The following HES2 variants were observed in gnomAD, a reference collection of about 807,000 sequenced individuals.
The protein encoded by HES2 is hes family bHLH transcription factor 2, also known as transcription factor HES-2.
A neutral mutation model predicts 11.9 loss-of-function variants in HES2; 11 were observed. That is an observed-to-expected ratio of 0.92 (90% CI 0.58 to 1.53). HES2 has a LOEUF of 1.53. HES2 is among the 40% of genes most tolerant of loss of function. HES2 has a pLI of 0.00. For synonymous variants in HES2, 125 were observed against 122.8 expected, an observed-to-expected ratio of 1.02 and a Z score of -0.12; for missense variants, 260 against 253.8, an observed-to-expected ratio of 1.02 and a Z score of -0.16.
In HES2 at chr1:6,419,877, G is replaced by T. The variant is rs938979264; in HGVS notation, c.-57C>A. On this transcript the variant is annotated 5_prime_UTR_variant, in exon 1 of 4. Transcript: ENST00000377834. The surrounding 1 kb of genome is among the most constrained non-coding windows in gnomAD (Gnocchi z 8.1). ...CCCACGCAAAGGGAAACCGAGGTCCGAAATGAGGTCCCGGGCGCGGCCCGG... is the reference window on the plus strand; with the variant it reads ...CCCACGCAAAGGGAAACCGAGGTCCTAAATGAGGTCCCGGGCGCGGCCCGG... 6.7e-6 allele frequency: 10 copies of T among 1,486,450 alleles called. No individual in the cohort carries two copies. The Admixed American group carries it at 2.3e-4, about 34-fold the overall frequency. The allele number at this position is 1,486,450 out of a possible 1,614,324, so 92.1% of individuals were successfully genotyped here.
In HES2 at chr1:6,417,604, T is replaced by C. The variant is rs1225566667; in HGVS notation, c.*1269A>G. On this transcript the variant is annotated 3_prime_UTR_variant, in exon 4 of 4. Coordinates refer to ENST00000377834, the MANE Select transcript of HES2 (RefSeq NM_019089.5). ...CATGGAAAAGAAAGAAATAAAAAAT[T>C]TTTTTTGAGACAGAGTCTTGCTGTG... 6.6e-6 allele frequency: 1 copy of C among 151,812 alleles called. No individual in the cohort carries two copies. Among genetic ancestry groups the C allele is most frequent in the African/African-American group, 2.4e-5 (1 of 41,098 alleles). The allele number at this position is 151,812 out of a possible 1,614,324, so 9.4% of individuals were successfully genotyped here.
In HES2 at chr1:6,419,805, G is replaced by T. The variant is rs1169093452; in HGVS notation, c.16C>A (p.Arg6=). The T allele has an allele frequency of 5.8e-6, 9 of 1,558,690 alleles. No homozygotes were observed. Among genetic ancestry groups the T allele is most frequent in the Non-Finnish European group, 5.2e-6 (6 of 1,157,496 alleles). MGLPR[R]AGDAAELRKS... ...CGCAGCTCCGCCGCGTCCCCTGCCC[G>T]GCGAGGCAGCCCCATGCTCCGCGGG... The change falls in exon 1 of 4, where the codon CGG becomes AGG. Residue 6 remains arginine, a synonymous_variant. Coordinates refer to ENST00000377834, the MANE Select transcript of HES2 (RefSeq NM_019089.5). The surrounding 1 kb of genome is among the most constrained non-coding windows in gnomAD (Gnocchi z 8.1).
rs1204106142 is a variant in HES2 at position 6,417,064 on chromosome 1, C to G, written c.*1809G>C. On this transcript the variant is annotated 3_prime_UTR_variant, in exon 4 of 4. Coordinates refer to ENST00000377834, the MANE Select transcript of HES2 (RefSeq NM_019089.5). ...CTAGTCCACTATATTCAGTGAGCACCCACTGTGCACCCTGTGCCTTGGGGA... is the reference window on the plus strand; with the variant it reads ...CTAGTCCACTATATTCAGTGAGCACGCACTGTGCACCCTGTGCCTTGGGGA... The G allele has an allele frequency of 6.6e-6, 1 of 152,328 alleles. No individual in the cohort carries two copies. The highest frequency in any genetic ancestry group is 1.5e-5 in the Non-Finnish European group (1 of 68,118). The allele number at this position is 152,328 out of a possible 1,614,324, so 9.4% of individuals were successfully genotyped here. A position where few individuals can be genotyped will look rare whatever the true frequency, so the allele number is the denominator to read the frequency against.
At position 6,419,482 on chromosome 1, in the gene HES2, C is replaced by A. The variant is rs1642886534; in HGVS notation, c.141+125G>T. On this transcript the variant is annotated intron_variant, in intron 2 of 3. Transcript: ENST00000377834. The surrounding 1 kb of genome is among the most constrained non-coding windows in gnomAD (Gnocchi z 8.1). Reference sequence around the variant, plus strand: ...GGGGGTCCGCTCCGACGCGCCCACCCCACCCAGGCTCCGCCTCGGGCGCCG... The same window carrying A: ...GGGGGTCCGCTCCGACGCGCCCACCACACCCAGGCTCCGCCTCGGGCGCCG... 8.6e-7 allele frequency: 1 copy of A among 1,164,490 alleles called. No individual in the cohort carries two copies. Among genetic ancestry groups the A allele is most frequent in the African/African-American group, 1.6e-5 (1 of 62,240 alleles). The allele number at this position is 1,164,490 out of a possible 1,614,324, so 72.1% of individuals were successfully genotyped here.
rs1642862103 is a variant in HES2, at chr1:6,417,281, C to T, written c.*1592G>A. On this transcript the variant is annotated 3_prime_UTR_variant, in exon 4 of 4. Coordinates refer to ENST00000377834, the MANE Select transcript of HES2 (RefSeq NM_019089.5). ...AAACCAGTGCCAAGGTCATCATGGG[C>T]TTGTGTGGCACAGTCAGATTTAGTG... The T allele has an allele frequency of 1.3e-5, 2 of 152,290 alleles. No individual in the cohort carries two copies. Among genetic ancestry groups the T allele is most frequent in the African/African-American group, 4.8e-5 (2 of 41,454 alleles). 9.4% of individuals were successfully genotyped at this position (152,290 alleles called of 1,614,324 possible). A position where few individuals can be genotyped will look rare whatever the true frequency, so the allele number is the denominator to read the frequency against.
rs1383090934 is a variant in HES2, at chr1:6,419,858, C to A, written c.-38G>T. 6.6e-7 allele frequency: 1 copy of A among 1,525,182 alleles called. No homozygotes were observed. The highest frequency in any genetic ancestry group is 2.0e-5 in the Admixed American group (1 of 49,302). 94.5% of individuals were successfully genotyped at this position (1,525,182 alleles called of 1,614,324 possible). On this transcript the variant is annotated 5_prime_UTR_variant, in exon 1 of 4. Coordinates refer to ENST00000377834, the MANE Select transcript of HES2 (RefSeq NM_019089.5). This position sits in a 1 kb window ranked among gnomAD's most constrained non-coding sequence, Gnocchi z 8.1. Reference sequence around the variant, plus strand: ...AGCGGTGGCAGCTGCGAGCCCCACGCAAAGGGAAACCGAGGTCCGAAATGA... The same window carrying A: ...AGCGGTGGCAGCTGCGAGCCCCACGAAAAGGGAAACCGAGGTCCGAAATGA...
Position 6,418,667 on chromosome 1 carries a change from G to A in HES2, c.*206C>T. 2 of 426,786 alleles carry A rather than the reference G, an allele frequency of 4.7e-6. No homozygotes were observed. The highest frequency in any genetic ancestry group is 7.9e-6 in the Non-Finnish European group (2 of 253,220). The allele number at this position is 426,786 out of a possible 1,614,324, so 26.4% of individuals were successfully genotyped here. A position where few individuals can be genotyped will look rare whatever the true frequency, so the allele number is the denominator to read the frequency against. ...CTCCAGCCAAGTTGGGGGTGAAGCA[G>A]GGACGCTCCTTTTATTCCCTGAGCC... is the stretch of plus-strand genomic sequence containing the variant. On this transcript the variant is annotated 3_prime_UTR_variant, in exon 4 of 4. Coordinates refer to ENST00000377834, the MANE Select transcript of HES2 (RefSeq NM_019089.5).
In HES2 at chr1:6,419,856, C is replaced by A; in HGVS notation, c.-36G>T. 2 of 1,527,842 alleles carry A rather than the reference C, an allele frequency of 1.3e-6. No individual in the cohort carries two copies. The highest frequency in any genetic ancestry group is 1.8e-6 in the Non-Finnish European group (2 of 1,142,088). The allele number at this position is 1,527,842 out of a possible 1,614,324, so 94.6% of individuals were successfully genotyped here. On this transcript the variant is annotated 5_prime_UTR_variant, in exon 1 of 4. Coordinates refer to ENST00000377834, the MANE Select transcript of HES2 (RefSeq NM_019089.5). This position sits in a 1 kb window ranked among gnomAD's most constrained non-coding sequence, Gnocchi z 8.1. ...GAAGCGGTGGCAGCTGCGAGCCCCA[C>A]GCAAAGGGAAACCGAGGTCCGAAAT...
In HES2 at chr1:6,419,793, C is replaced by T; in HGVS notation, c.28G>A (p.Ala10Thr). The change falls in exon 1 of 4, where the codon GCG (alanine) becomes ACG (threonine). Residue 10 changes from alanine to threonine, a missense_variant. By Grantham distance (58) the Ala-to-Thr change is moderately conservative. Transcript: ENST00000377834. This position sits in a 1 kb window ranked among gnomAD's most constrained non-coding sequence, Gnocchi z 8.1. The part of the protein sequence containing the change: MGLPRRAGD[A>T]AELRKSLKPL... ...GTACCCACCTTGCGCAGCTCCGCCGCGTCCCCTGCCCGGCGAGGCAGCCCC... is the reference window on the plus strand; with the variant it reads ...GTACCCACCTTGCGCAGCTCCGCCGTGTCCCCTGCCCGGCGAGGCAGCCCC... 6.4e-7 allele frequency: 1 copy of T among 1,561,302 alleles called. No individual in the cohort carries two copies. Among genetic ancestry groups the T allele is most frequent in the South Asian group, 1.2e-5 (1 of 84,432 alleles).
At position 6,419,221 on chromosome 1, in the gene HES2, G is replaced by A. The variant is rs1392993131; in HGVS notation, c.241+20C>T. ...GTGCGGGGTGCAGAGCGCGCGGCAG[G>A]GCAGGGAGGGCTCACTCACGGGGCG... is the stretch of plus-strand genomic sequence containing the variant. On this transcript the variant is annotated intron_variant, in intron 3 of 3. Coordinates refer to ENST00000377834, the MANE Select transcript of HES2 (RefSeq NM_019089.5). The surrounding 1 kb of genome is among the most constrained non-coding windows in gnomAD (Gnocchi z 8.1). 1.2e-6 allele frequency: 2 copies of A among 1,603,250 alleles called. No individual in the cohort carries two copies. The highest frequency in any genetic ancestry group is 1.7e-6 in the Non-Finnish European group (2 of 1,177,404).
chr1:6,417,636 A>C lies in HES2; in HGVS notation c.*1237T>G, dbSNP rs1235406807. 6.6e-6 allele frequency: 1 copy of C among 152,280 alleles called. No homozygotes were observed. Among genetic ancestry groups the C allele is most frequent in the Non-Finnish European group, 1.5e-5 (1 of 68,060 alleles). 9.4% of individuals were successfully genotyped at this position (152,280 alleles called of 1,614,324 possible). ...GAGACAGAGTCTTGCTGTGTCACCC[A>C]GGCTGGAGAGCAATGGCTCAATCTT... On this transcript the variant is annotated 3_prime_UTR_variant, in exon 4 of 4. Coordinates refer to ENST00000377834, the MANE Select transcript of HES2 (RefSeq NM_019089.5).
Position 6,418,962 on chromosome 1 carries a change from C to T in HES2, c.433G>A (p.Ala145Thr), listed in dbSNP as rs1642878841. The change falls in exon 4 of 4, where the codon GCG becomes ACG. Residue 145 changes from alanine to threonine, a missense_variant. Coordinates refer to ENST00000377834, the MANE Select transcript of HES2 (RefSeq NM_019089.5). Reference sequence around the variant, plus strand: ...GCGGGCTCTGGGGCAGACGCGGGCGCTGGGGCGGGGGCAGACGGGCCACTG... The same window carrying T: ...GCGGGCTCTGGGGCAGACGCGGGCGTTGGGGCGGGGGCAGACGGGCCACTG... The part of the protein sequence containing the change: ...DSSGPSAPAP[A>T]PASAPEPASA... The T allele has an allele frequency of 2.2e-6, 3 of 1,341,038 alleles. No individual in the cohort carries two copies. Among genetic ancestry groups the T allele is most frequent in the Non-Finnish European group, 2.8e-6 (3 of 1,055,352 alleles). The allele number at this position is 1,341,038 out of a possible 1,614,324, so 83.1% of individuals were successfully genotyped here.
rs563885689 is a variant in HES2, at chr1:6,419,830, G to T, written c.-10C>A. 55 of 1,548,984 alleles carry T rather than the reference G, an allele frequency of 3.6e-5. No homozygotes were observed. Among genetic ancestry groups the T allele is most frequent in the Admixed American group, 3.8e-5 (2 of 52,732 alleles). ...GGCGAGGCAGCCCCATGCTCCGCGG[G>T]GAAGCGGTGGCAGCTGCGAGCCCCA... is the stretch of plus-strand genomic sequence containing the variant. On this transcript the variant is annotated 5_prime_UTR_variant, in exon 1 of 4. Coordinates refer to ENST00000377834, the MANE Select transcript of HES2 (RefSeq NM_019089.5). The surrounding 1 kb of genome is among the most constrained non-coding windows in gnomAD (Gnocchi z 8.1).
In HES2 at chr1:6,419,611, C is replaced by T. The variant is rs1642888741; in HGVS notation, c.137G>A (p.Arg46Gln). The T allele has an allele frequency of 2.0e-6, 3 of 1,536,022 alleles. No homozygotes were observed. The highest frequency in any genetic ancestry group is 2.5e-5 in the East Asian group (1 of 40,212). ...LKGLILPLLG[R>Q]ENSNCSKLEK... ...CCTCCGCCCGGGCGCGCTCACCTCCCGGCCCAGCAGCGGCAGGATGAGCCC... is the reference window on the plus strand; with the variant it reads ...CCTCCGCCCGGGCGCGCTCACCTCCTGGCCCAGCAGCGGCAGGATGAGCCC... The change falls in exon 2 of 4, where the codon CGG (arginine) becomes CAG (glutamine). Residue 46 changes from arginine (R) to glutamine (Q), a missense_variant. Physicochemically the swap from Arg to Gln is conservative, Grantham distance 43. Coordinates refer to ENST00000377834, the MANE Select transcript of HES2 (RefSeq NM_019089.5). This position sits in a 1 kb window ranked among gnomAD's most constrained non-coding sequence, Gnocchi z 8.1.
chr1:6,416,160 G>A lies in HES2; in HGVS notation c.*2713C>T, dbSNP rs550585445. On this transcript the variant is annotated 3_prime_UTR_variant, in exon 4 of 4. Coordinates refer to ENST00000377834, the MANE Select transcript of HES2 (RefSeq NM_019089.5). ...CATCAGACAGTCACATGGAGTCACA[G>A]AACCATCTTGCAACAGCATCCCAAG... is the stretch of plus-strand genomic sequence containing the variant. 1.3e-5 allele frequency: 2 copies of A among 152,270 alleles called. No individual in the cohort carries two copies. Among genetic ancestry groups the A allele is most frequent in the Non-Finnish European group, 2.9e-5 (2 of 68,068 alleles). 9.4% of individuals were successfully genotyped at this position (152,270 alleles called of 1,614,324 possible). A position where few individuals can be genotyped will look rare whatever the true frequency, so the allele number is the denominator to read the frequency against.
Position 6,419,331 on chromosome 1 carries a change from A to G in HES2, c.151T>C (p.Cys51Arg). ...LPLLGRENSN[C>R]SKLEKADVLE... ...ACGTCTGCCTTCTCTAGCTTCGAGC[A>G]GTTGGAGTTCTGCGCCCGGCCACGA... Residue 51 changes from cysteine (C) to arginine (R), a missense_variant, in exon 3 of 4, where the codon TGC becomes CGC. Coordinates refer to ENST00000377834, the MANE Select transcript of HES2 (RefSeq NM_019089.5). This position sits in a 1 kb window ranked among gnomAD's most constrained non-coding sequence, Gnocchi z 8.1. 5 of 1,610,266 alleles carry G rather than the reference A, an allele frequency of 3.1e-6. No homozygotes were observed. The highest frequency in any genetic ancestry group is 4.2e-6 in the Non-Finnish European group (5 of 1,178,974).
Position 6,418,457 on chromosome 1 carries a change from G to A in HES2, c.*416C>T, listed in dbSNP as rs544340993. On this transcript the variant is annotated 3_prime_UTR_variant, in exon 4 of 4. Transcript: ENST00000377834. ...GAGGTAGGCCCAGGCAGGGCTGGGA[G>A]AGCAGTGACCAGGCAGGGTGCACGG... 1 of 170,514 alleles carries A rather than the reference G, an allele frequency of 5.9e-6. No homozygotes were observed. Among genetic ancestry groups the A allele is most frequent in the Non-Finnish European group, 1.2e-5 (1 of 80,848 alleles). 10.6% of individuals were successfully genotyped at this position (170,514 alleles called of 1,614,324 possible).
chr1:6,419,723 G>T lies in HES2; in HGVS notation c.46-21C>A. 6.4e-7 allele frequency: 1 copy of T among 1,550,874 alleles called. No homozygotes were observed. The highest frequency in any genetic ancestry group is 8.7e-7 in the Non-Finnish European group (1 of 1,151,286). ...AGGCTCTGCGGACGGGCGGCGCGGT[G>T]GTTAGACGGGTCCCCGGAGTCCCCA... On this transcript the variant is annotated intron_variant, in intron 1 of 3. Transcript: ENST00000377834. This position sits in a 1 kb window ranked among gnomAD's most constrained non-coding sequence, Gnocchi z 8.1.
At position 6,419,669 on chromosome 1, in the gene HES2, C is replaced by T. The variant is rs746347051; in HGVS notation, c.79G>A (p.Ala27Thr). Reference protein sequence around the residue: ...LKPLLEKRRRARINQSLSQLK... With the variant: ...LKPLLEKRRRTRINQSLSQLK... Reference sequence around the variant, plus strand: ...TGGCTCAGGCTCTGGTTGATGCGCGCGCGCCGGCGCTTCTCCAGCAGCGGC... The same window carrying T: ...TGGCTCAGGCTCTGGTTGATGCGCGTGCGCCGGCGCTTCTCCAGCAGCGGC... Residue 27 changes from alanine (A) to threonine (T), a missense_variant, in exon 2 of 4, where the codon GCG (alanine) becomes ACG (threonine). Coordinates refer to ENST00000377834, the MANE Select transcript of HES2 (RefSeq NM_019089.5). The surrounding 1 kb of genome is among the most constrained non-coding windows in gnomAD (Gnocchi z 8.1). The T allele has an allele frequency of 1.3e-6, 2 of 1,555,390 alleles. No homozygotes were observed. Among genetic ancestry groups the T allele is most frequent in the Non-Finnish European group, 1.7e-6 (2 of 1,153,590 alleles).
Sources: allele counts gnomAD v4.1 joint callset, GRCh38; gene constraint gnomAD v4.1.1; non-coding constraint Gnocchi (gnomAD v3.1); transcripts MANE v1.5; gene names NCBI Gene and HGNC (gene_info 2026-07-23, HGNC 2026-07-21).